PCDH11Y: variants seen among roughly 807,000 people sequenced by gnomAD.
The protein encoded by PCDH11Y is protocadherin-11 Y-linked.
For missense variants in PCDH11Y, 12 were observed against 224.8 expected, an observed-to-expected ratio of 0.05 and a Z score of 6.05; for synonymous variants, 9 against 83.6, an observed-to-expected ratio of 0.11 and a Z score of 4.87.
chrY:5,549,941 C>T (rs2053417004), intron 3 of PCDH11Y, among the ~76,000 whole-genome samples: 1 of 31,497 alleles, frequency 3.2e-5, no homozygotes, highest in East Asian at 8.5e-4. Flanking sequence ...CAAAGGGGGC[C>T]TCCTTGAGGG....
At chrY:5,231,391 G>T (rs1602889943) in intron 2 of PCDH11Y, among the ~76,000 whole-genome samples, 1 of 33,428 alleles carries the variant, frequency 3.0e-5, no homozygotes, top group Non-Finnish European at 7.4e-5. Context: ...TCTTGCAGAC[G>T]CATAGTGGTG....
At chrY:5,529,038 A>C in intron 3 of PCDH11Y, among the ~76,000 whole-genome samples, 1 of 33,455 alleles carries the variant, frequency 3.0e-5, no homozygotes, top group Non-Finnish European at 7.5e-5. Context: ...AATTCTTTTA[A>C]ATTAATAGAA....
At chrY:5,071,986 A>C in intron 1 of PCDH11Y, among the ~76,000 whole-genome samples, 1 of 33,464 alleles carries the variant, frequency 3.0e-5, no homozygotes, top group South Asian at 6.6e-4. Flanking sequence ...CTCAATTATC[A>C]TCCTTTTATC....
intron 4 of PCDH11Y, among the ~76,000 whole-genome samples, chrY:5,594,502 G>T: frequency 3.1e-5 from 1 of 32,746 alleles, no homozygotes. Context: ...ACACCGAGGG[G>T]ACACGGAATG....
At chrY:5,310,018 T>C (rs1602902440) in intron 2 of PCDH11Y, among the ~76,000 whole-genome samples, 1 of 23,720 alleles carries the variant, frequency 4.2e-5, no homozygotes, top group Non-Finnish European at 9.4e-5. Flanking sequence ...CTTAATTTGG[T>C]TGCAAAAAAA....
chrY:5,461,224 T>C (rs1221591637), intron 2 of PCDH11Y, among the ~76,000 whole-genome samples: 7 of 33,601 alleles, frequency 2.1e-4, no homozygotes, highest in Non-Finnish European at 2.2e-4. Flanking sequence ...AAGTATGTAT[T>C]GAGTTGCAGC....
intron 1 of PCDH11Y, among the ~76,000 whole-genome samples, chrY:5,088,889 A>T: frequency 3.1e-5 from 1 of 31,783 alleles, no homozygotes; most frequent in Non-Finnish European, 7.6e-5. Context: ...CTCAGAAGAC[A>T]TGGTACTTTC....
intron 2 of PCDH11Y, among the ~76,000 whole-genome samples, chrY:5,480,144 C>A (rs2053324050): frequency 3.1e-5 from 1 of 32,158 alleles, no homozygotes; most frequent in Admixed American, 2.8e-4. Flanking sequence ...CGTTTCTGTG[C>A]TGGTTTTTCC....
intron 2 of PCDH11Y, among the ~76,000 whole-genome samples, chrY:5,455,522 G>A (rs2124683229): frequency 5.1e-4 from 17 of 33,343 alleles, no homozygotes; most frequent in Admixed American, 2.7e-3. Flanking sequence ...CCAAATTTTT[G>A]TATTAGTCCA....
intron 2 of PCDH11Y, among the ~76,000 whole-genome samples, chrY:5,209,095 A>T (rs2052935772): frequency 3.3e-5 from 1 of 30,724 alleles, no homozygotes; most frequent in South Asian, 7.5e-4. Context: ...TATCTGTAGG[A>T]ATCCTCTTCT....
chrY:5,334,561 TAA>T (rs2053134340), intron 2 of PCDH11Y, among the ~76,000 whole-genome samples: 1 of 34,205 alleles, frequency 2.9e-5, no homozygotes, highest in Non-Finnish European at 7.3e-5. Context: ...ATCTTTTCTT[TAA>T]GTTACTTCAT....
intron 4 of PCDH11Y, among the ~76,000 whole-genome samples, chrY:5,597,332 T>C (rs2053468171): frequency 3.5e-5 from 1 of 28,792 alleles, no homozygotes; most frequent in African/African-American, 1.3e-4. Flanking sequence ...TGTGTGTATA[T>C]ATATACGTAT....
chrY:5,436,615 C>G (rs1438361552), intron 2 of PCDH11Y, among the ~76,000 whole-genome samples: 67 of 32,930 alleles, frequency 2.0e-3, no homozygotes, highest in Non-Finnish European at 3.0e-4. Flanking sequence ...CATGGGGACT[C>G]GGGTATAGTC....
chrY:5,592,859 G>C (rs2053463378), intron 4 of PCDH11Y, among the ~76,000 whole-genome samples: 1 of 29,481 alleles, frequency 3.4e-5, no homozygotes, highest in Admixed American at 3.2e-4. Context: ...TTTCTGGCTT[G>C]TGAGGTTTCT....
At chrY:5,740,250 A>G (rs2053615875) in exon 5 of PCDH11Y, 1 of 32,915 alleles carries the variant, frequency 3.0e-5, no homozygotes, top group Non-Finnish European at 7.6e-5. Flanking sequence ...TATCTATGTT[A>G]GTGAAAATCA....
chrY:5,205,321 T>G, intron 2 of PCDH11Y, among the ~76,000 whole-genome samples: 1 of 30,909 alleles, frequency 3.2e-5, no homozygotes. Context: ...GAAAGATATG[T>G]AACACATGTC....
At chrY:5,035,288 C>T (rs2052597686) in intron 3 of PCDH11Y, among the ~76,000 whole-genome samples, 2 of 30,657 alleles carry the variant, frequency 6.5e-5, no homozygotes, top group South Asian at 7.5e-4. Flanking sequence ...GCAGTTCTTA[C>T]GTGAAATCTC....
chrY:5,634,445 TC>T (rs2053515857), intron 4 of PCDH11Y: 1 of 37,850 alleles, frequency 2.6e-5, no homozygotes, highest in African/African-American at 1.1e-4. Flanking sequence ...AGTTAATAAG[TC>T]TAGAATTCAA....
intron 2 of PCDH11Y, among the ~76,000 whole-genome samples, chrY:5,282,635 T>G (rs2124660921): frequency 3.1e-5 from 1 of 32,347 alleles, no homozygotes; most frequent in East Asian, 8.1e-4. Flanking sequence ...CTCTCCTCAC[T>G]TCTCTCAGGC....
Sources: allele counts gnomAD v4.1 joint callset (sites outside exome capture counted in the v4.1 genomes callset), GRCh38; gene constraint gnomAD v4.1.1; transcripts MANE v1.5; gene names NCBI Gene and HGNC (gene_info 2026-07-23, HGNC 2026-07-21).